The following LARGE1 variants were observed in gnomAD, a reference collection of about 807,000 sequenced individuals.
LARGE1 encodes the protein xylosyl- and glucuronyltransferase LARGE1.
LARGE1 carries 43 observed loss-of-function variants against 87.6 expected under a neutral mutation model. That is an observed-to-expected ratio of 0.49 (90% CI 0.38 to 0.63). The LOEUF (loss-of-function observed/expected upper bound fraction) is 0.63, where lower values mean the gene tolerates loss of function less well. Among genes scored for constraint, LARGE1 ranks in the 30% least tolerant of loss-of-function variants. The probability of loss-of-function intolerance (pLI) is 0.00; values close to 1 mark genes in which losing one functional copy is unlikely to be tolerated. For synonymous variants in LARGE1, 434 were observed against 394.6 expected, an observed-to-expected ratio of 1.10 and a Z score of -1.18; for missense variants, 802 against 1,000.2, an observed-to-expected ratio of 0.80 and a Z score of 2.67.
At chr22:33,584,476 A>C (rs572879211) in intron 5 of LARGE1, among the ~76,000 whole-genome samples, 2 of 152,144 alleles carry the variant, frequency 1.3e-5, no homozygotes, top group Non-Finnish European at 2.9e-5. Flanking sequence ...ATTAGTTTTC[A>C]CTAAATTCTT....
At chr22:33,125,447 A>AT in the LARGE1 span, among the ~76,000 whole-genome samples, 83,766 of 144,226 alleles carry the variant, frequency 0.58, 24,488 homozygotes, top group South Asian at 0.74. Context: ...CCTGCTTTCA[A>AT]TTTTTTTTTT....
At chr22:33,450,060 C>T (rs574068298) in intron 6 of LARGE1, among the ~76,000 whole-genome samples, 51 of 152,070 alleles carry the variant, frequency 3.4e-4, no homozygotes, top group African/African-American at 1.1e-3. Flanking sequence ...TACAGGCACC[C>T]GCCACCACGC....
intron 11 of LARGE1, chr22:33,166,913 G>A: frequency 2.1e-6 from 1 of 466,868 alleles, no homozygotes; most frequent in Admixed American, 2.4e-5. Flanking sequence ...TACTGGCTAA[G>A]AGTAACCACA....
At chr22:33,464,117 C>T (rs11704267) in intron 6 of LARGE1, among the ~76,000 whole-genome samples, 20 of 152,058 alleles carry the variant, frequency 1.3e-4, no homozygotes, top group Non-Finnish European at 2.4e-4. Flanking sequence ...AATACATAAA[C>T]AACCAATGGA....
chr22:33,485,222 T>C (rs2069518891), intron 6 of LARGE1, among the ~76,000 whole-genome samples: 1 of 149,040 alleles, frequency 6.7e-6, no homozygotes, highest in East Asian at 2.0e-4. Context: ...CTGAGTCTTT[T>C]TTTTTTTTTG....
intron 1 of LARGE1, among the ~76,000 whole-genome samples, chr22:33,893,142 A>G (rs1166466530): frequency 1.3e-5 from 2 of 152,228 alleles, no homozygotes; most frequent in Admixed American, 1.3e-4. Context: ...TAGAACACAT[A>G]AAAGACTAAA....
At chr22:33,352,718 C>A (rs147662660) in intron 9 of LARGE1, among the ~76,000 whole-genome samples, 1,599 of 152,194 alleles carry the variant, frequency 0.011, 31 homozygotes, top group African/African-American at 0.037. Context: ...GCTGAGATCA[C>A]ACCACTGCAC....
In LARGE1 at chr22:33,373,186, T is replaced by C. The variant is rs61422868; in HGVS notation, c.1131+8733A>G. ...TTAGAAGGCAATTATTTATAAGCCT[T>C]CCTAAAGATTGAGCTTTGCTATTAA... On this transcript the variant is annotated intron_variant, in intron 9 of 14. Transcript: ENST00000397394. Among the ~76,000 whole-genome samples, 601 of 152,280 alleles carry C rather than the reference T, an allele frequency of 3.9e-3. 3 individuals are homozygous for C. Among genetic ancestry groups the C allele is most frequent in the African/African-American group, 0.014 (581 of 41,548 alleles).
intron 10 of LARGE1, among the ~76,000 whole-genome samples, chr22:33,333,677 G>A (rs368073235): frequency 9.9e-5 from 15 of 152,162 alleles, no homozygotes; most frequent in African/African-American, 3.6e-4. Flanking sequence ...TATGTGCTTG[G>A]TTCTATCCTA....
intron 7 of LARGE1, among the ~76,000 whole-genome samples, chr22:33,413,965 A>G (rs1026633965): frequency 1.3e-4 from 20 of 152,166 alleles, no homozygotes; most frequent in African/African-American, 4.3e-4. Context: ...GGGTGTTACA[A>G]TATCTTGCCT....
chr22:33,585,900 T>C (rs1421305716), intron 5 of LARGE1, among the ~76,000 whole-genome samples: 1 of 152,234 alleles, frequency 6.6e-6, no homozygotes, highest in Admixed American at 6.5e-5. Flanking sequence ...GGTTTCACCA[T>C]GTTGGCCAGG....
chr22:33,255,969 C>A (rs1400793396), intron 11 of LARGE1, among the ~76,000 whole-genome samples: 2 of 152,166 alleles, frequency 1.3e-5, no homozygotes, highest in African/African-American at 4.8e-5. Flanking sequence ...CTCTTCACCC[C>A]CTGCAGATTC....
At chr22:33,244,080 C>T (rs1926643922) in intron 11 of LARGE1, among the ~76,000 whole-genome samples, 1 of 152,136 alleles carries the variant, frequency 6.6e-6, no homozygotes, top group African/African-American at 2.4e-5. Context: ...GCTCCGCCTC[C>T]TGGGTTCATG....
At chr22:33,181,827 CTTTTTTTT>C (rs56347007) in intron 11 of LARGE1, among the ~76,000 whole-genome samples, 21,922 of 128,516 alleles carry the variant, frequency 0.17, 1,871 homozygotes, top group South Asian at 0.34. Context: ...TATGCCTGGC[CTTTTTTTT>C]TTTTTTTTTT....
At chr22:33,159,599 T>C (rs1602026176), downstream of LARGE1, among the ~76,000 whole-genome samples, 1 of 151,894 alleles carries the variant, frequency 6.6e-6, no homozygotes. Context: ...TTTTTTTTTT[T>C]TTGGAGATGG....
chr22:33,758,641 T>C (rs778974700), intron 2 of LARGE1, among the ~76,000 whole-genome samples: 45 of 152,322 alleles, frequency 3.0e-4, no homozygotes, highest in East Asian at 1.7e-3. Flanking sequence ...TCTGGTGAAA[T>C]TGCTCAAAGT....
At chr22:33,115,770 T>C in the LARGE1 span, among the ~76,000 whole-genome samples, 1 of 147,128 alleles carries the variant, frequency 6.8e-6, no homozygotes, top group African/African-American at 2.6e-5. Context: ...TGAGCCAACA[T>C]TGCACCACTG....
Position 33,421,189 on chromosome 22 carries a change from C to A in LARGE1, c.892+10972G>T, listed in dbSNP as rs2066679810. ...TGGGCGACAGAGTGAGCCTCTGTTT[C>A]AAAAAATAAAAAATAAAATAAAATC... On this transcript the variant is annotated intron_variant, in intron 7 of 14. Coordinates refer to ENST00000397394, the MANE Select transcript of LARGE1 (RefSeq NM_133642.5). Among the ~76,000 whole-genome samples the A allele has an allele frequency of 4.0e-5, 6 of 149,936 alleles. No homozygotes were observed. In the South Asian group the frequency reaches 1.3e-3, roughly 32 times the overall value.
At chr22:33,889,575 C>T (rs147079032) in intron 1 of LARGE1, among the ~76,000 whole-genome samples, 48 of 152,276 alleles carry the variant, frequency 3.2e-4, no homozygotes, top group African/African-American at 1.0e-3. Flanking sequence ...AATCAACTCA[C>T]GCCAAGACCA....
Sources: allele counts gnomAD v4.1 joint callset (sites outside exome capture counted in the v4.1 genomes callset), GRCh38; gene constraint gnomAD v4.1.1; transcripts MANE v1.5; gene names NCBI Gene and HGNC (gene_info 2026-07-23, HGNC 2026-07-21).